SNAI1: variants seen among roughly 807,000 people sequenced by gnomAD.
SNAI1 encodes the protein snail family transcriptional repressor 1.
Under a neutral mutation model 24.7 loss-of-function variants are expected in SNAI1, and 15 were observed. The observed-to-expected ratio is 0.61, with a 90% CI of 0.41 to 0.93. The LOEUF (loss-of-function observed/expected upper bound fraction) is 0.93. Among genes scored for constraint, SNAI1 ranks in the 40% least tolerant of loss-of-function variants. SNAI1 has a pLI of 0.00. For missense variants in SNAI1, 283 were observed against 336.7 expected, an observed-to-expected ratio of 0.84 and a Z score of 1.25; for synonymous variants, 163 against 142.9, an observed-to-expected ratio of 1.14 and a Z score of -1.00.
In SNAI1 at chr20:49,988,178, T is replaced by G; in HGVS notation, c.*122T>G. The G allele has an allele frequency of 1.2e-6, 1 of 830,084 alleles. No individual in the cohort carries two copies. The highest frequency in any genetic ancestry group is 1.7e-5 in the African/African-American group (1 of 58,026). 51.4% of individuals were successfully genotyped at this position (830,084 alleles called of 1,614,324 possible). ...AATTCCCTCCTGAGTGCCCCACTTC[T>G]GGCCACATCAGCCCCACAGGACTTT... On this transcript the variant is annotated 3_prime_UTR_variant, in exon 3 of 3. Transcript: ENST00000244050.
In SNAI1 at chr20:49,984,243, G is replaced by T. The variant is rs745798537; in HGVS notation, c.502G>T (p.Ala168Ser). Residue 168 changes from alanine (A) to serine (S), a missense_variant, in exon 2 of 3, where the codon GCC (alanine) becomes TCC (serine). Transcript: ENST00000244050. The part of the protein sequence containing the change: ...YCNKEYLSLG[A>S]LKMHIRSHTL... ...CAACAAGGAATACCTCAGCCTGGGT[G>T]CCCTCAAGATGCACATCCGAAGCCA... The T allele has an allele frequency of 1.9e-6, 3 of 1,614,222 alleles. No individual in the cohort carries two copies. The highest frequency in any genetic ancestry group is 2.2e-5 in the South Asian group (2 of 91,092).
At position 49,988,085 on chromosome 20, in the gene SNAI1, C is replaced by T. The variant is rs756983850; in HGVS notation, c.*29C>T. 7.8e-6 allele frequency: 12 copies of T among 1,541,480 alleles called. No homozygotes were observed. Among genetic ancestry groups the T allele is most frequent in the Non-Finnish European group, 9.7e-6 (11 of 1,137,802 alleles). ...TCGAGGCTCCCTCTTCCTCTCCATA[C>T]CTGCCCCTGCCTGACAGCCTTCCCC... On this transcript the variant is annotated 3_prime_UTR_variant, in exon 3 of 3. Coordinates refer to ENST00000244050, the MANE Select transcript of SNAI1 (RefSeq NM_005985.4).
rs2078327025 is a variant in SNAI1, at chr20:49,984,246, C to T, written c.505C>T (p.Leu169Phe). Residue 169 changes from leucine to phenylalanine, a missense_variant, in exon 2 of 3, where the codon CTC becomes TTC. Transcript: ENST00000244050. ...CAAGGAATACCTCAGCCTGGGTGCC[C>T]TCAAGATGCACATCCGAAGCCACAC... Reference protein sequence around the residue: ...CNKEYLSLGALKMHIRSHTLP... With the variant: ...CNKEYLSLGAFKMHIRSHTLP... The T allele has an allele frequency of 1.2e-6, 2 of 1,614,088 alleles. No homozygotes were observed. The highest frequency in any genetic ancestry group is 1.7e-6 in the Non-Finnish European group (2 of 1,180,038).
chr20:49,983,193 G>C (rs372097679), intron 1 of SNAI1, 52 bp downstream of exon 1: 2 of 1,392,478 alleles, frequency 1.4e-6, no homozygotes, highest in Non-Finnish European at 2.0e-6. Flanking sequence ...ACAGGCGAAG[G>C]CTGCGTGGGG....
Position 49,987,887 on chromosome 20 carries a change from C to A in SNAI1, c.626C>A (p.Ser209Tyr), listed in dbSNP as rs865912088. Reference protein sequence around the residue: ...VRTHTGEKPFSCPHCSRAFAD... With the variant: ...VRTHTGEKPFYCPHCSRAFAD... The stretch of plus-strand genomic sequence containing the variant: ...CTCTCCCCAGGCGAGAAGCCCTTCT[C>A]CTGTCCCCACTGCAGCCGTGCCTTC... Residue 209 changes from serine to tyrosine, a missense_variant, in exon 3 of 3, where the codon TCC becomes TAC. Transcript: ENST00000244050. 6.2e-7 allele frequency: 1 copy of A among 1,613,988 alleles called. No homozygotes were observed. The highest frequency in any genetic ancestry group is 1.3e-5 in the African/African-American group (1 of 74,934).
intron 1 of SNAI1, 80 bp from the exon 2 acceptor site, chr20:49,983,744 C>G: frequency 2.2e-6 from 3 of 1,381,998 alleles, no homozygotes; most frequent in Non-Finnish European, 2.9e-6. Flanking sequence ...CCCCACCCAG[C>G]CCCTGGCCAG....
intron 2 of SNAI1, among the ~76,000 whole-genome samples, chr20:49,987,240 G>T (rs904673324): frequency 6.6e-6 from 1 of 151,998 alleles, no homozygotes; most frequent in Non-Finnish European, 1.5e-5. Context: ...TGCTGGCCGG[G>T]CCCCAGGAGT....
At chr20:49,986,463 T>A (rs1331498881) in intron 2 of SNAI1, among the ~76,000 whole-genome samples, 2 of 152,156 alleles carry the variant, frequency 1.3e-5, no homozygotes, top group South Asian at 2.1e-4. Context: ...GGTGATGGAA[T>A]GAATTCACTC....
chr20:49,987,269 G>A (rs183900466), intron 2 of SNAI1, among the ~76,000 whole-genome samples: 7 of 152,214 alleles, frequency 4.6e-5, no homozygotes, highest in Admixed American at 3.3e-4. Flanking sequence ...CAGCTTGGAG[G>A]TGGGGGTGGG....
intron 2 of SNAI1, among the ~76,000 whole-genome samples, chr20:49,986,132 C>T (rs1858580935): frequency 6.6e-6 from 1 of 152,214 alleles, no homozygotes; most frequent in South Asian, 2.1e-4. Context: ...TCCAGATCTC[C>T]AGAGTCAGCC....
chr20:49,987,821 G>T, intron 2 of SNAI1, 51 bp from the exon 3 acceptor site: 1 of 1,555,654 alleles, frequency 6.4e-7, no homozygotes, highest in South Asian at 1.1e-5. Flanking sequence ...TCCCATCACT[G>T]CCAGCCGTTG....
chr20:49,988,678 G>A lies in SNAI1; in HGVS notation c.*622G>A, dbSNP rs1461586920. 2.6e-5 allele frequency: 4 copies of A among 152,694 alleles called. No individual in the cohort carries two copies. Among genetic ancestry groups the A allele is most frequent in the African/African-American group, 9.7e-5 (4 of 41,446 alleles). 9.5% of individuals were successfully genotyped at this position (152,694 alleles called of 1,614,324 possible). A position where few individuals can be genotyped will look rare whatever the true frequency, so the allele number is the denominator to read the frequency against. The stretch of plus-strand genomic sequence containing the variant: ...TGTGAGTAATGGCTGTCACTTGTCG[G>A]GGGCCCAAGTGGGGTGCTCTGGTCT... On this transcript the variant is annotated 3_prime_UTR_variant, in exon 3 of 3. Transcript: ENST00000244050.
Position 49,988,127 on chromosome 20 carries a change from AC to A in SNAI1, c.*75del. ...GCCTTCCCCAGCTCCAGCAGGAAGG[AC>A]CCCACATCCTTCTCACTGCCATGGA... On this transcript the variant is annotated 3_prime_UTR_variant, in exon 3 of 3. Transcript: ENST00000244050. 1.5e-6 allele frequency: 2 copies of A among 1,361,716 alleles called. No individual in the cohort carries two copies. Among genetic ancestry groups the A allele is most frequent in the Non-Finnish European group, 2.0e-6 (2 of 990,084 alleles). The allele number at this position is 1,361,716 out of a possible 1,614,324, so 84.4% of individuals were successfully genotyped here. A position where few individuals can be genotyped will look rare whatever the true frequency, so the allele number is the denominator to read the frequency against.
chr20:49,987,934 G>A lies in SNAI1; in HGVS notation c.673G>A (p.Ala225Thr), dbSNP rs1190162275. The change falls in exon 3 of 3, where the codon GCC (alanine) becomes ACC (threonine). Residue 225 changes from alanine to threonine, a missense_variant. By Grantham distance (58) the Ala-to-Thr change is moderately conservative. Transcript: ENST00000244050. ...CTTCGCTGACCGCTCCAACCTGCGG[G>A]CCCACCTCCAGACCCACTCAGATGT... ...RAFADRSNLRAHLQTHSDVKK... is the reference protein window; with the variant it reads ...RAFADRSNLRTHLQTHSDVKK... 6.2e-7 allele frequency: 1 copy of A among 1,614,008 alleles called. No homozygotes were observed. Among genetic ancestry groups the A allele is most frequent in the Admixed American group, 1.7e-5 (1 of 59,968 alleles).
chr20:49,985,735 A>C (rs1452542731), intron 2 of SNAI1, among the ~76,000 whole-genome samples: 1 of 152,228 alleles, frequency 6.6e-6, no homozygotes, highest in African/African-American at 2.4e-5. Flanking sequence ...AGCGGTGCCC[A>C]GCACCTGTTC....
intron 2 of SNAI1, 70 bp downstream of exon 2, chr20:49,984,421 C>A: frequency 7.0e-7 from 1 of 1,432,304 alleles, no homozygotes; most frequent in East Asian, 2.5e-5. Context: ...GCTTGCTGTT[C>A]TCATTCCCAA....
In SNAI1 at chr20:49,983,905, C is replaced by T. The variant is rs137950928; in HGVS notation, c.164C>T (p.Ser55Leu). The T allele has an allele frequency of 5.6e-6, 9 of 1,613,414 alleles. No homozygotes were observed. The highest frequency in any genetic ancestry group is 4.0e-5 in the African/African-American group (3 of 75,032). The change falls in exon 2 of 3, where the codon TCG becomes TTG. Residue 55 changes from serine to leucine, a missense_variant. By Grantham distance (145) the Ser-to-Leu change is moderately radical. Transcript: ENST00000244050. ...PPPEILNPTA[S>L]LPMLIWDSVL... ...CCGGAGATCCTCAACCCCACCGCCT[C>T]GCTGCCAATGCTCATCTGGGACTCT...
rs897077169 is a variant in SNAI1 at position 49,988,805 on chromosome 20, T to C, written c.*749T>C. 1.3e-5 allele frequency: 2 copies of C among 152,626 alleles called. No individual in the cohort carries two copies. Among genetic ancestry groups the C allele is most frequent in the Non-Finnish European group, 2.9e-5 (2 of 68,036 alleles). The allele number at this position is 152,626 out of a possible 1,614,324, so 9.5% of individuals were successfully genotyped here. On this transcript the variant is annotated 3_prime_UTR_variant, in exon 3 of 3. Transcript: ENST00000244050. The stretch of plus-strand genomic sequence containing the variant: ...TACACTGGTATTTATATTTCAAACA[T>C]TTTGTATCAAGGAAACGTTTTGTAT...
chr20:49,984,444 T>C, intron 2 of SNAI1, 93 bp downstream of exon 2: 1 of 1,263,602 alleles, frequency 7.9e-7, no homozygotes, highest in South Asian at 1.5e-5. Flanking sequence ...CTGTGGACAC[T>C]GAGGCCCCGA....
Sources: gnomAD v4.1 joint callset for allele counts (sites outside exome capture counted in the v4.1 genomes callset) on GRCh38, gnomAD v4.1.1 for gene constraint, MANE v1.5 for transcripts, NCBI Gene and HGNC (gene_info 2026-07-23, HGNC 2026-07-21) for gene names.